The following APPBP2 variants were observed in gnomAD, a reference collection of about 807,000 sequenced individuals.
APPBP2 encodes the protein amyloid beta precursor protein binding protein 2.
A neutral mutation model predicts 76.0 loss-of-function variants in APPBP2; 15 were observed. The ratio of observed to expected loss-of-function variants is 0.20; its 90% CI spans 0.13 to 0.30. The LOEUF is 0.30. APPBP2 is among the 10% of genes least tolerant of loss of function. The pLI, the probability that APPBP2 is intolerant of heterozygous loss-of-function variation, is 1.00. For synonymous variants in APPBP2, 222 were observed against 242.2 expected, an observed-to-expected ratio of 0.92 and a Z score of 0.77; for missense variants, 401 against 687.2, an observed-to-expected ratio of 0.58 and a Z score of 4.66.
Position 60,525,851 on chromosome 17 carries a change from G to A in APPBP2, c.81C>T (p.Arg27=). The A allele has an allele frequency of 6.2e-7, 1 of 1,614,156 alleles. No homozygotes were observed. The highest frequency in any genetic ancestry group is 8.5e-7 in the Non-Finnish European group (1 of 1,180,020). ...GCAAGGAGCGGATGTCTCGGCGGGA[G>A]CGGATGTAGTTGTCCACGACAGCGG... ...AISAVVDNYI[R]SRRDIRSLPE... is the part of the protein sequence containing the mutation. Residue 27 remains arginine (R), a synonymous_variant, in exon 1 of 13, where the codon CGC becomes CGT. Coordinates refer to ENST00000083182, the MANE Select transcript of APPBP2 (RefSeq NM_006380.5).
At chr17:60,490,405 C>T (rs2090718384) in intron 3 of APPBP2, among the ~76,000 whole-genome samples, 1 of 152,120 alleles carries the variant, frequency 6.6e-6, no homozygotes, top group South Asian at 2.1e-4. Context: ...GAAAAAAGAG[C>T]CAAGTGCAGT....
rs1032961255 is a variant in APPBP2 at position 60,444,078 on chromosome 17, A to C, written c.*3503T>G. 2 of 152,136 alleles carry C rather than the reference A, an allele frequency of 1.3e-5. No individual in the cohort carries two copies. The highest frequency in any genetic ancestry group is 4.8e-5 in the African/African-American group (2 of 41,270). The allele number at this position is 152,136 out of a possible 1,614,324, so 9.4% of individuals were successfully genotyped here. A position where few individuals can be genotyped will look rare whatever the true frequency, so the allele number is the denominator to read the frequency against. ...GGGAGGCGGAGGTTGCAGTGAGCCAAGACGGTGCCATTGCCCTCCCAGCCT... is the reference window on the plus strand; with the variant it reads ...GGGAGGCGGAGGTTGCAGTGAGCCACGACGGTGCCATTGCCCTCCCAGCCT... On this transcript the variant is annotated 3_prime_UTR_variant, in exon 13 of 13. Coordinates refer to ENST00000083182, the MANE Select transcript of APPBP2 (RefSeq NM_006380.5).
intron 1 of APPBP2, among the ~76,000 whole-genome samples, chr17:60,511,029 G>A (rs184392940): frequency 1.3e-5 from 2 of 152,254 alleles, no homozygotes; most frequent in East Asian, 3.9e-4. Context: ...TCACTTTATA[G>A]GTCAATGGCA....
intron 1 of APPBP2, among the ~76,000 whole-genome samples, chr17:60,525,312 A>T (rs900316475): frequency 2.0e-5 from 3 of 152,222 alleles, no homozygotes; most frequent in Non-Finnish European, 4.4e-5. Context: ...AAGAAAGGAG[A>T]AACGAAGGAA....
At chr17:60,504,891 A>G (rs2090854160) in intron 1 of APPBP2, among the ~76,000 whole-genome samples, 1 of 152,158 alleles carries the variant, frequency 6.6e-6, no homozygotes, top group Non-Finnish European at 1.5e-5. Flanking sequence ...TACCAATGAA[A>G]CCTGTGCATC....
chr17:60,466,475 A>G lies in APPBP2; in HGVS notation c.504-16T>C. The G allele has an allele frequency of 5.0e-6, 8 of 1,606,444 alleles. No homozygotes were observed. Among genetic ancestry groups the G allele is most frequent in the Non-Finnish European group, 6.8e-6 (8 of 1,178,302 alleles). ...ATGAAGCAACCTATAAAACACCAAT[A>G]ACATTGCTCTATTTTTGATATTTTC... On this transcript the variant is annotated splice_polypyrimidine_tract_variant and intron_variant, in intron 4 of 12. Coordinates refer to ENST00000083182, the MANE Select transcript of APPBP2 (RefSeq NM_006380.5).
intron 1 of APPBP2, among the ~76,000 whole-genome samples, chr17:60,521,871 A>T (rs1464834332): frequency 2.6e-5 from 4 of 152,224 alleles, no homozygotes; most frequent in Non-Finnish European, 5.9e-5. Flanking sequence ...CAGGGAAGCC[A>T]AAACATTGGA....
At chr17:60,504,747 T>G (rs2090853143) in intron 1 of APPBP2, among the ~76,000 whole-genome samples, 1 of 152,118 alleles carries the variant, frequency 6.6e-6, no homozygotes, top group South Asian at 2.1e-4. Flanking sequence ...GAGGTTGCAA[T>G]AAGCTGATAT....
intron 2 of APPBP2, among the ~76,000 whole-genome samples, chr17:60,499,442 A>C (rs140577562): frequency 0.014 from 1,950 of 144,386 alleles, 14 homozygotes; most frequent in Non-Finnish European, 0.022. Context: ...GAGAGGCTGA[A>C]AAACGAGGAT....
chr17:60,462,607 T>C (rs910093624), intron 6 of APPBP2: 1 of 152,350 alleles, frequency 6.6e-6, no homozygotes, highest in African/African-American at 2.4e-5. Flanking sequence ...TGATCCATGA[T>C]TATAGCTAGG....
At chr17:60,514,410 A>G (rs2090945839) in intron 1 of APPBP2, among the ~76,000 whole-genome samples, 1 of 152,190 alleles carries the variant, frequency 6.6e-6, no homozygotes, top group Non-Finnish European at 1.5e-5. Context: ...ATTCAAGACC[A>G]GCCTGGACAA....
chr17:60,470,513 G>T (rs943451684), intron 4 of APPBP2, among the ~76,000 whole-genome samples: 8 of 152,152 alleles, frequency 5.3e-5, no homozygotes, highest in African/African-American at 1.7e-4. Context: ...AAATCCTTCT[G>T]CCTCAGCCTC....
chr17:60,506,658 T>C (rs1470622089), intron 1 of APPBP2, among the ~76,000 whole-genome samples: 3 of 152,224 alleles, frequency 2.0e-5, no homozygotes, highest in Non-Finnish European at 4.4e-5. Flanking sequence ...CTACATTCTA[T>C]GAGGTGACTA....
chr17:60,462,246 T>G, intron 6 of APPBP2, 185 bp from the exon 7 acceptor site: 8 of 533,280 alleles, frequency 1.5e-5, no homozygotes, highest in East Asian at 3.1e-5. Context: ...AACAGATCTG[T>G]ATATAAGCTG....
At chr17:60,453,902 T>A (rs1266817231) in intron 11 of APPBP2, among the ~76,000 whole-genome samples, 1 of 152,118 alleles carries the variant, frequency 6.6e-6, no homozygotes, top group Non-Finnish European at 1.5e-5. Flanking sequence ...AGATAGGGTC[T>A]CACTCTGTCA....
chr17:60,463,975 C>T (rs1212609135), intron 6 of APPBP2, 46 bp downstream of exon 6: 5 of 1,363,500 alleles, frequency 3.7e-6, no homozygotes, highest in Non-Finnish European at 1.0e-6. Context: ...AACTTAAAGC[C>T]TGATAAATCC....
At chr17:60,458,608 T>C (rs956479793) in intron 9 of APPBP2, among the ~76,000 whole-genome samples, 11 of 152,204 alleles carry the variant, frequency 7.2e-5, no homozygotes, top group African/African-American at 2.7e-4. Flanking sequence ...CTCTGGCTGC[T>C]GTAGTGTGAA....
intron 5 of APPBP2, chr17:60,465,001 T>C (rs943931790): frequency 6.6e-6 from 1 of 152,180 alleles, no homozygotes; most frequent in Non-Finnish European, 1.5e-5. Flanking sequence ...ACTCCAGACC[T>C]TGGTGATGGA....
At chr17:60,506,841 T>C (rs999944935) in intron 1 of APPBP2, among the ~76,000 whole-genome samples, 2 of 152,204 alleles carry the variant, frequency 1.3e-5, no homozygotes, top group Middle Eastern at 3.4e-3. Flanking sequence ...ATCGAGACCA[T>C]CCTGGCCAAC....
Sources: gnomAD v4.1 joint callset for allele counts (sites outside exome capture counted in the v4.1 genomes callset) on GRCh38, gnomAD v4.1.1 for gene constraint, MANE v1.5 for transcripts, NCBI Gene and HGNC (gene_info 2026-07-23, HGNC 2026-07-21) for gene names.